The following CRTAC1 variants were observed in gnomAD, a reference collection of about 807,000 sequenced individuals.
CRTAC1 encodes the protein acidic secreted protein in cartilage.
A neutral mutation model predicts 67.8 loss-of-function variants in CRTAC1; 37 were observed. The observed-to-expected ratio is 0.55, with a 90% CI of 0.42 to 0.72. CRTAC1 has a LOEUF of 0.72. CRTAC1 is among the 30% of genes least tolerant of loss of function. The probability of loss-of-function intolerance (pLI) is 0.00; values close to 1 mark genes in which losing one functional copy is unlikely to be tolerated. For synonymous variants in CRTAC1, 348 were observed against 371.0 expected, an observed-to-expected ratio of 0.94 and a Z score of 0.71; for missense variants, 780 against 931.6, an observed-to-expected ratio of 0.84 and a Z score of 2.12.
intron 3 of CRTAC1, among the ~76,000 whole-genome samples, chr10:97,934,667 T>C (rs541445599): frequency 3.7e-4 from 57 of 152,196 alleles, no homozygotes; most frequent in African/African-American, 1.3e-3. Context: ...GTGGTCCTCA[T>C]AGCCAGGCAG....
chr10:97,912,415 C>G (rs2050699906), intron 5 of CRTAC1, among the ~76,000 whole-genome samples: 1 of 152,168 alleles, frequency 6.6e-6, no homozygotes, highest in Non-Finnish European at 1.5e-5. Flanking sequence ...CCCCATTTCC[C>G]CTAGCCACAT....
chr10:97,941,158 C>T (rs992300783), intron 2 of CRTAC1, among the ~76,000 whole-genome samples: 10 of 151,976 alleles, frequency 6.6e-5, no homozygotes, highest in South Asian at 2.1e-4. Context: ...TCATCCCCCT[C>T]GGCCTCTCAG....
At chr10:97,966,167 C>A (rs1364467176) in intron 2 of CRTAC1, among the ~76,000 whole-genome samples, 1 of 152,258 alleles carries the variant, frequency 6.6e-6, no homozygotes, top group Non-Finnish European at 1.5e-5. Context: ...CAACCTCCAC[C>A]TCCTGGGTTC....
At chr10:97,950,546 G>C (rs1033216513) in intron 2 of CRTAC1, among the ~76,000 whole-genome samples, 1 of 152,208 alleles carries the variant, frequency 6.6e-6, no homozygotes, top group Admixed American at 6.5e-5. Context: ...CTGAGGTCTG[G>C]GTTGGACAGG....
In CRTAC1 at chr10:97,993,385, T is replaced by C. The variant is rs181149676; in HGVS notation, c.224+17753A>G. Among the ~76,000 whole-genome samples the C allele has an allele frequency of 1.3e-3, 204 of 152,340 alleles. 1 individual carries two copies. Among genetic ancestry groups the C allele is most frequent in the African/African-American group, 4.5e-3 (187 of 41,572 alleles). On this transcript the variant is annotated intron_variant, in intron 2 of 14. Coordinates refer to ENST00000370597, the MANE Select transcript of CRTAC1 (RefSeq NM_018058.7). ...TGTTTATAAGAGGCTAGAATATTCA[T>C]TGGGGACATGAATCTGATGGGTGTG...
rs117529699 is a variant in CRTAC1 at position 98,024,230 on chromosome 10, G to T, written c.24+6219C>A. ...ATGACCTTGTCACTGTACTTGTCCG[G>T]TGCAAACAAAGATAAGAGTAACTGG... On this transcript the variant is annotated intron_variant, in intron 1 of 14. Transcript: ENST00000370597. 3.5e-3 allele frequency among the ~76,000 whole-genome samples: 534 copies of T among 152,338 alleles called. 1 individual carries two copies. Among genetic ancestry groups the T allele is most frequent in the Non-Finnish European group, 5.7e-3 (387 of 68,028 alleles).
chr10:97,871,633 G>A (rs1246518429), intron 14 of CRTAC1: 1 of 152,198 alleles, frequency 6.6e-6, no homozygotes, highest in African/African-American at 2.4e-5. Context: ...TTATTTTACA[G>A]ATGAGGAAAC....
intron 2 of CRTAC1, among the ~76,000 whole-genome samples, chr10:97,987,905 T>C (rs565647362): frequency 6.6e-6 from 1 of 152,160 alleles, no homozygotes; most frequent in Admixed American, 6.5e-5. Flanking sequence ...AACCACACAA[T>C]GTCCCTGAAA....
At chr10:97,874,449 G>A (rs1430051460) in intron 14 of CRTAC1, among the ~76,000 whole-genome samples, 4 of 152,190 alleles carry the variant, frequency 2.6e-5, no homozygotes. Flanking sequence ...CCAGGCCCCA[G>A]GAAGGTTGGC....
chr10:97,969,507 T>C (rs1054179742), intron 2 of CRTAC1, among the ~76,000 whole-genome samples: 4 of 152,200 alleles, frequency 2.6e-5, no homozygotes, highest in Non-Finnish European at 4.4e-5. Flanking sequence ...GGGCTGCCAA[T>C]GTGCTTTGCT....
intron 2 of CRTAC1, among the ~76,000 whole-genome samples, chr10:97,998,907 A>T (rs748175357): frequency 3.3e-5 from 5 of 152,246 alleles, no homozygotes; most frequent in Non-Finnish European, 5.9e-5. Flanking sequence ...AGAGTTTGTT[A>T]AGTTAAAACG....
chr10:97,984,689 C>T (rs1333470532), intron 2 of CRTAC1, among the ~76,000 whole-genome samples: 2 of 152,180 alleles, frequency 1.3e-5, no homozygotes, highest in South Asian at 2.1e-4. Flanking sequence ...CACCACTGAA[C>T]CAGGTACATG....
rs569674877 is a variant in CRTAC1, at chr10:97,960,007, A to G, written c.225-23641T>C. ...GCCCCATAGGCACACTCTGCCTAGC[A>G]TGTACTAAAATTACCGTCTCCCAGA... On this transcript the variant is annotated intron_variant, in intron 2 of 14. Coordinates refer to ENST00000370597, the MANE Select transcript of CRTAC1 (RefSeq NM_018058.7). Among the ~76,000 whole-genome samples, 3 of 152,388 alleles carry G rather than the reference A, an allele frequency of 2.0e-5. No individual in the cohort carries two copies. The East Asian group carries it at 5.8e-4, about 29-fold the overall frequency.
chr10:98,019,257 G>C (rs968481281), intron 1 of CRTAC1, among the ~76,000 whole-genome samples: 1 of 152,158 alleles, frequency 6.6e-6, no homozygotes, highest in African/African-American at 2.4e-5. Flanking sequence ...CCTATCTACA[G>C]ACCCCGCCGC....
At position 97,934,948 on chromosome 10, in the gene CRTAC1, C is replaced by T. The variant is rs1011937054; in HGVS notation, c.421+1222G>A. ...TGAGCCTAAGAAAATGCAAGCATCG[C>T]GGTGGAGGGGGCGTGGGTGGGGGGG... is the stretch of plus-strand genomic sequence containing the variant. On this transcript the variant is annotated intron_variant, in intron 3 of 14. Transcript: ENST00000370597. Among the ~76,000 whole-genome samples, 5 of 25,884 alleles carry T rather than the reference C, an allele frequency of 1.9e-4. 1 individual carries two copies. The highest frequency in any genetic ancestry group is 2.5e-3 in the South Asian group (2 of 794). The allele number at this position is 25,884 out of a possible 152,430, so 17.0% of individuals were successfully genotyped here. A position where few individuals can be genotyped will look rare whatever the true frequency, so the allele number is the denominator to read the frequency against.
intron 2 of CRTAC1, among the ~76,000 whole-genome samples, chr10:97,939,352 A>G (rs1242830702): frequency 6.6e-6 from 1 of 152,156 alleles, no homozygotes; most frequent in Non-Finnish European, 1.5e-5. Context: ...GGCTGGGTCA[A>G]ATTCTTCGAT....
At chr10:97,898,222 C>A (rs611939) in intron 8 of CRTAC1, among the ~76,000 whole-genome samples, 1 of 152,122 alleles carries the variant, frequency 6.6e-6, no homozygotes, top group Non-Finnish European at 1.5e-5. Flanking sequence ...CCGGGCCCTG[C>A]GTGAGGTATG....
intron 2 of CRTAC1, among the ~76,000 whole-genome samples, chr10:98,002,773 T>G (rs1842716310): frequency 1.1e-4 from 11 of 97,446 alleles, no homozygotes; most frequent in African/African-American, 4.0e-4. Flanking sequence ...TTTTTTTTTT[T>G]TTTTTTTTTT....
At chr10:97,978,652 T>C (rs773703414) in intron 2 of CRTAC1, among the ~76,000 whole-genome samples, 1 of 152,152 alleles carries the variant, frequency 6.6e-6, no homozygotes, top group Non-Finnish European at 1.5e-5. Flanking sequence ...GGGACTCTTC[T>C]CCCAGGTCCT....
Sources: gnomAD v4.1 joint callset for allele counts (sites outside exome capture counted in the v4.1 genomes callset) on GRCh38, gnomAD v4.1.1 for gene constraint, MANE v1.5 for transcripts, NCBI Gene and HGNC (gene_info 2026-07-23, HGNC 2026-07-21) for gene names.